MSRB3: variants seen among roughly 807,000 people sequenced by gnomAD.
MSRB3 encodes methionine-R-sulfoxide reductase B3.
Under a neutral mutation model 21.0 loss-of-function variants are expected in MSRB3, and 13 were observed. The observed-to-expected ratio is 0.62, with a 90% CI of 0.40 to 0.98. The LOEUF is 0.98. Ranked by LOEUF, MSRB3 falls within the 50% of genes least tolerant of loss-of-function variation. MSRB3 has a pLI of 0.00. For missense variants in MSRB3, 199 were observed against 230.3 expected, an observed-to-expected ratio of 0.86 and a Z score of 0.88; for synonymous variants, 87 against 88.6, an observed-to-expected ratio of 0.98 and a Z score of 0.10.
chr12:65,357,421 GAGAT>G (rs771076269), intron 4 of MSRB3, among the ~76,000 whole-genome samples: 4 of 151,892 alleles, frequency 2.6e-5, no homozygotes, highest in African/African-American at 7.2e-5. Flanking sequence ...CAGAAAAATT[GAGAT>G]AGTTCAGAGA....
rs992888399 is a variant in MSRB3 at position 65,454,188 on chromosome 12, T to A, written c.390+363T>A. On this transcript the variant is annotated intron_variant, in intron 6 of 6. Coordinates refer to ENST00000308259, the MANE Select transcript of MSRB3 (RefSeq NM_001031679.3). ...TGTAGTTCTAGCTACTCAGGGGGGC[T>A]GAAGCAGGAGAATCACTGGAGCCCA... 20 of 478,238 alleles carry A rather than the reference T, an allele frequency of 4.2e-5. No homozygotes were observed. In the East Asian group the frequency reaches 7.7e-4, roughly 19 times the overall value. 29.6% of individuals were successfully genotyped at this position (478,238 alleles called of 1,614,324 possible).
intron 2 of MSRB3, chr12:65,309,083 A>G (rs1873829791): frequency 4.7e-6 from 1 of 212,466 alleles, no homozygotes; most frequent in Non-Finnish European, 9.7e-6. Flanking sequence ...AAAATGAACA[A>G]TGTTAGCATG....
In MSRB3 at chr12:65,463,268, C is replaced by T. The variant is rs765356027; in HGVS notation, c.504C>T (p.Ala168=). ...CACCTGCGGATAGCAGTGGCACCGCCGAGGGAGGCAGTGGGGTCGCCAGCC... is the reference window on the plus strand; with the variant it reads ...CACCTGCGGATAGCAGTGGCACCGCTGAGGGAGGCAGTGGGGTCGCCAGCC... ...SFTPADSSGT[A]EGGSGVASPA... is the part of the protein sequence containing the mutation. Residue 168 remains alanine (A), a synonymous_variant, in exon 7 of 7, where the codon GCC becomes GCT. Transcript: ENST00000308259. 31 of 1,613,994 alleles carry T rather than the reference C, an allele frequency of 1.9e-5. No homozygotes were observed. Among genetic ancestry groups the T allele is most frequent in the South Asian group, 2.2e-5 (2 of 91,080 alleles).
chr12:65,395,171 A>C (rs1879709123), intron 5 of MSRB3, among the ~76,000 whole-genome samples: 1 of 152,204 alleles, frequency 6.6e-6, no homozygotes, highest in Admixed American at 6.5e-5. Flanking sequence ...ATGATCTTGT[A>C]TATAGAAAAT....
rs560495606 is a variant in MSRB3, at chr12:65,400,236, C to CT, written c.292+31224dup. On this transcript the variant is annotated intron_variant, in intron 5 of 6. Transcript: ENST00000308259. ...ATCAGTGAATCCATCTGGTCCTGGG[C>CT]TTTTTTTTTTTTTTGGTTGGTAGGC... Among the ~76,000 whole-genome samples the CT allele has an allele frequency of 4.9e-3, 651 of 131,972 alleles. 1 individual carries two copies. Among genetic ancestry groups the CT allele is most frequent in the South Asian group, 9.7e-3 (40 of 4,140 alleles). 86.6% of individuals were successfully genotyped at this position (131,972 alleles called of 152,430 possible). A position where few individuals can be genotyped will look rare whatever the true frequency, so the allele number is the denominator to read the frequency against.
intron 5 of MSRB3, among the ~76,000 whole-genome samples, chr12:65,423,931 T>TAC (rs1181852953): frequency 2.0e-5 from 3 of 152,200 alleles, no homozygotes; most frequent in African/African-American, 7.2e-5. Context: ...CTTTAAAAGG[T>TAC]TGGTAGAATT....
chr12:65,336,907 C>G (rs1413852223), intron 4 of MSRB3, among the ~76,000 whole-genome samples: 2 of 152,182 alleles, frequency 1.3e-5, no homozygotes, highest in Non-Finnish European at 2.9e-5. Flanking sequence ...AACAAAGATA[C>G]AGAAGCCATC....
chr12:65,463,052 A>G, intron 6 of MSRB3, 103 bp from the exon 7 acceptor site: 1 of 1,393,408 alleles, frequency 7.2e-7, no homozygotes, highest in Non-Finnish European at 1.0e-6. Flanking sequence ...GGTTTCCTTC[A>G]TTTCTCTACA....
At chr12:65,344,655 A>G (rs1403398488) in intron 4 of MSRB3, among the ~76,000 whole-genome samples, 7 of 151,972 alleles carry the variant, frequency 4.6e-5, no homozygotes, top group African/African-American at 1.4e-4. Context: ...TGCTTTTTCA[A>G]TGTGGAAGTT....
At chr12:65,459,302 T>C (rs745324576) in intron 6 of MSRB3, among the ~76,000 whole-genome samples, 4 of 152,224 alleles carry the variant, frequency 2.6e-5, no homozygotes, top group Admixed American at 6.5e-5. Context: ...TTTCAAAAGT[T>C]AAGCAGTTTT....
intron 4 of MSRB3, among the ~76,000 whole-genome samples, chr12:65,365,984 C>T (rs891027866): frequency 1.3e-5 from 2 of 151,986 alleles, no homozygotes; most frequent in African/African-American, 4.8e-5. Flanking sequence ...GGGAGGGGTG[C>T]TTTCATTTCT....
intron 4 of MSRB3, among the ~76,000 whole-genome samples, chr12:65,345,070 G>C (rs751963704): frequency 1.3e-4 from 20 of 152,050 alleles, no homozygotes; most frequent in Non-Finnish European, 1.2e-4. Flanking sequence ...GAGCTGAAAA[G>C]ATTTATCAAT....
intron 6 of MSRB3, 112 bp from the exon 7 acceptor site, chr12:65,463,043 G>C (rs550497099): frequency 7.7e-7 from 1 of 1,305,564 alleles, no homozygotes; most frequent in East Asian, 2.3e-5. Flanking sequence ...ATCCACGATG[G>C]TTTCCTTCAT....
intron 5 of MSRB3, among the ~76,000 whole-genome samples, chr12:65,379,081 A>G (rs1031805165): frequency 6.6e-6 from 1 of 152,202 alleles, no homozygotes; most frequent in Non-Finnish European, 1.5e-5. Context: ...CAAGTTAACA[A>G]TTATCTATCT....
chr12:65,403,505 C>T (rs756846806), intron 5 of MSRB3, among the ~76,000 whole-genome samples: 6 of 152,174 alleles, frequency 3.9e-5, no homozygotes, highest in South Asian at 2.1e-4. Context: ...GTGCTGGCAG[C>T]GAGAATTTTG....
chr12:65,338,488 C>T (rs1300542792), intron 4 of MSRB3, among the ~76,000 whole-genome samples: 1 of 152,134 alleles, frequency 6.6e-6, no homozygotes, highest in Non-Finnish European at 1.5e-5. Context: ...TAAAGTTGTA[C>T]CTGTCTCACC....
chr12:65,327,244 T>C (rs1215011855), intron 3 of MSRB3, among the ~76,000 whole-genome samples: 1 of 152,242 alleles, frequency 6.6e-6, no homozygotes, highest in Non-Finnish European at 1.5e-5. Context: ...TGGGAAGACA[T>C]CACAGTAAGC....
chr12:65,280,452 ATG>A (rs1871943989), intron 1 of MSRB3, among the ~76,000 whole-genome samples: 1 of 152,162 alleles, frequency 6.6e-6, no homozygotes, highest in Non-Finnish European at 1.5e-5. Context: ...TTCCTCAGTG[ATG>A]TGTTGACTTA....
intron 5 of MSRB3, among the ~76,000 whole-genome samples, chr12:65,384,895 T>C (rs1879131215): frequency 1.3e-5 from 2 of 152,140 alleles, no homozygotes; most frequent in Non-Finnish European, 1.5e-5. Context: ...TTTAGAAAGT[T>C]TAACTCTAAA....
Sources: gnomAD v4.1 joint callset for allele counts (sites outside exome capture counted in the v4.1 genomes callset) on GRCh38, gnomAD v4.1.1 for gene constraint, MANE v1.5 for transcripts, NCBI Gene and HGNC (gene_info 2026-07-23, HGNC 2026-07-21) for gene names.